Variants in PPP2R5C observed in about 807,000 individuals in gnomAD.
PPP2R5C encodes protein phosphatase 2 regulatory subunit B'gamma.
Under a neutral mutation model 68.9 loss-of-function variants are expected in PPP2R5C, and 7 were observed. The ratio of observed to expected loss-of-function variants is 0.10; its 90% confidence interval spans 0.06 to 0.19. The LOEUF is 0.19. Ranked by LOEUF, PPP2R5C falls within the 10% of genes least tolerant of loss-of-function variation. The pLI is 1.00. For synonymous variants in PPP2R5C, 210 were observed against 222.2 expected, an observed-to-expected ratio of 0.95 and a Z score of 0.49; for missense variants, 348 against 641.3, an observed-to-expected ratio of 0.54 and a Z score of 4.94.
At chr14:101,892,975 A>T in intron 6 of PPP2R5C, 25 bp from the exon 9 acceptor site, 1 of 1,485,992 alleles carries the variant, frequency 6.7e-7, no homozygotes, top group South Asian at 1.2e-5. Flanking sequence ...TAAATGTTCA[A>T]ACCTAATAAA....
intron 1 of PPP2R5C, among the ~76,000 whole-genome samples, chr14:101,814,202 A>G (rs2039527210): frequency 6.6e-6 from 1 of 152,252 alleles, no homozygotes; most frequent in African/African-American, 2.4e-5. Flanking sequence ...TCAAATAATT[A>G]AACCAGTGAT....
At position 101,906,354 on chromosome 14, in the gene PPP2R5C, G is replaced by A. The variant is rs2046021221; in HGVS notation, c.1024-48G>A. ...GGTTTAACAGCAAGGACAGCCACCTGATGTCTCAGGCACAACCTCCAGCAA... is the reference window on the plus strand; with the variant it reads ...GGTTTAACAGCAAGGACAGCCACCTAATGTCTCAGGCACAACCTCCAGCAA... On this transcript the variant is annotated intron_variant, in intron 9 of 13. Transcript: ENST00000334743. The surrounding 1 kb of genome is among the most constrained non-coding windows in gnomAD (Gnocchi z 4.0). 10 of 1,536,574 alleles carry A rather than the reference G, an allele frequency of 6.5e-6. No individual in the cohort carries two copies. The highest frequency in any genetic ancestry group is 8.7e-6 in the Non-Finnish European group (10 of 1,144,300).
intron 2 of PPP2R5C, among the ~76,000 whole-genome samples, chr14:101,859,372 G>A (rs1368684994): frequency 1.3e-5 from 2 of 152,234 alleles, no homozygotes; most frequent in Non-Finnish European, 2.9e-5. Flanking sequence ...GGCGCAGAGT[G>A]GAAACTGGGT....
At chr14:101,828,792 C>G (rs2040557797) in intron 1 of PPP2R5C, among the ~76,000 whole-genome samples, 1 of 151,596 alleles carries the variant, frequency 6.6e-6, no homozygotes, top group African/African-American at 2.4e-5. Flanking sequence ...ATTCTCTTAC[C>G]TCAGCCTCCC....
At chr14:101,863,118 G>A (rs967975580) in intron 2 of PPP2R5C, among the ~76,000 whole-genome samples, 5 of 152,090 alleles carry the variant, frequency 3.3e-5, no homozygotes, top group Admixed American at 2.6e-4. Flanking sequence ...GACCAGCCTG[G>A]CCAACATGGT....
chr14:101,765,445 G>A (rs2036801390), intron 2 of PPP2R5C: 2 of 587,368 alleles, frequency 3.4e-6, no homozygotes, highest in South Asian at 2.1e-5. Flanking sequence ...ATTGACTCAT[G>A]CAGGTGAATT....
chr14:101,761,539 A>G (rs1223143846), upstream of PPP2R5C, among the ~76,000 whole-genome samples: 1 of 137,874 alleles, frequency 7.3e-6, no homozygotes, highest in Non-Finnish European at 1.6e-5. Flanking sequence ...GGGCGCGTCG[A>G]CCAATGGCAG....
chr14:101,770,278 T>C (rs535180097), intron 2 of PPP2R5C, among the ~76,000 whole-genome samples: 2 of 152,338 alleles, frequency 1.3e-5, no homozygotes, highest in Admixed American at 1.3e-4. Context: ...AGGGTTTGTT[T>C]TGAGCATGTC....
chr14:101,803,030 C>T (rs894613810), intron 3 of PPP2R5C, among the ~76,000 whole-genome samples: 17 of 149,362 alleles, frequency 1.1e-4, no homozygotes, highest in Non-Finnish European at 2.5e-4. Flanking sequence ...GCCCGGACAA[C>T]GTGGTGAAAC....
upstream of PPP2R5C, among the ~76,000 whole-genome samples, chr14:101,809,252 A>G (rs1283552048): frequency 4.6e-5 from 7 of 152,108 alleles, no homozygotes. Context: ...TTTAAGCTTA[A>G]TTTTTTCAGG....
intron 1 of PPP2R5C, among the ~76,000 whole-genome samples, chr14:101,813,516 C>A (rs1277116414): frequency 1.3e-5 from 2 of 152,260 alleles, no homozygotes; most frequent in Non-Finnish European, 2.9e-5. Flanking sequence ...CCTCCCTGTG[C>A]TGGGAAGCTG....
chr14:101,810,189 G>T, intron 1 of PPP2R5C: 1 of 674,870 alleles, frequency 1.5e-6, no homozygotes, highest in Non-Finnish European at 2.5e-6. Flanking sequence ...GTGTGTCACT[G>T]CAGTTTGGCA....
At chr14:101,786,228 G>A in intron 3 of PPP2R5C, 45 bp downstream of exon 3, 17 of 1,449,214 alleles carry the variant, frequency 1.2e-5, no homozygotes, top group Non-Finnish European at 1.5e-5. Context: ...GGCTGTTGGA[G>A]TGAAGGAGCA....
intron 3 of PPP2R5C, among the ~76,000 whole-genome samples, chr14:101,788,056 G>A (rs1361960830): frequency 6.6e-6 from 1 of 152,174 alleles, no homozygotes; most frequent in African/African-American, 2.4e-5. Context: ...AGCAAGGAAA[G>A]GGATAGGTAT....
chr14:101,761,777 C>A, upstream of PPP2R5C: 2 of 963,056 alleles, frequency 2.1e-6, no homozygotes, highest in South Asian at 4.8e-5. Flanking sequence ...AAGACTCAGT[C>A]CCCGGGCGGC....
intron 1 of PPP2R5C, chr14:101,824,166 C>T (rs1024342143): frequency 2.0e-5 from 25 of 1,271,302 alleles, no homozygotes; most frequent in East Asian, 5.7e-5. Context: ...AGAGTATTTT[C>T]GTGGTAAACG....
chr14:101,845,447 C>T (rs576381811), intron 1 of PPP2R5C, among the ~76,000 whole-genome samples: 58 of 151,118 alleles, frequency 3.8e-4, no homozygotes, highest in Admixed American at 3.6e-3. Flanking sequence ...CCATCCGGGG[C>T]GCCTCTCCAC....
At position 101,850,655 on chromosome 14, in the gene PPP2R5C, AG is replaced by A. The variant is rs962467243; in HGVS notation, c.95-6030del. On this transcript the variant is annotated intron_variant, in intron 1 of 13. Coordinates refer to ENST00000334743, the Ensembl canonical transcript of PPP2R5C. ...CAGACATTAAGTCTTCTAGGGCTCT[AG>A]AAACTCAGACTCCAGGTGGTGCAGG... Among the ~76,000 whole-genome samples the A allele has an allele frequency of 1.1e-4, 16 of 152,340 alleles. No homozygotes were observed. The East Asian group carries it at 1.2e-3, about 11-fold the overall frequency.
intron 7 of PPP2R5C, among the ~76,000 whole-genome samples, chr14:101,893,601 C>T (rs748789504): frequency 2.6e-5 from 4 of 152,122 alleles, no homozygotes; most frequent in African/African-American, 4.8e-5. Context: ...AAATACAAAA[C>T]TAGCCGGGCA....
Sources: gnomAD v4.1 joint callset for allele counts (sites outside exome capture counted in the v4.1 genomes callset) on GRCh38, gnomAD v4.1.1 for gene constraint, Gnocchi (gnomAD v3.1) non-coding constraint, MANE v1.5 for transcripts, NCBI Gene and HGNC (gene_info 2026-07-23, HGNC 2026-07-21) for gene names.